AP2A2: variants seen among roughly 807,000 people sequenced by gnomAD.
AP2A2 encodes the protein adaptor related protein complex 2 subunit alpha 2.
AP2A2 carries 32 observed loss-of-function variants against 104.2 expected under a neutral mutation model. The observed-to-expected ratio is 0.31, with a 90% CI of 0.23 to 0.41. The LOEUF (loss-of-function observed/expected upper bound fraction) is 0.41. Among genes scored for constraint, AP2A2 ranks in the 10% least tolerant of loss-of-function variants. The pLI, the probability that AP2A2 is intolerant of heterozygous loss-of-function variation, is 1.00. For missense variants in AP2A2, 912 were observed against 1,261.0 expected, an observed-to-expected ratio of 0.72 and a Z score of 4.19; for synonymous variants, 539 against 533.3, an observed-to-expected ratio of 1.01 and a Z score of -0.15.
intron 6 of AP2A2, among the ~76,000 whole-genome samples, chr11:984,145 G>A (rs927441823): frequency 2.6e-5 from 4 of 152,202 alleles, no homozygotes; most frequent in Non-Finnish European, 4.4e-5. Flanking sequence ...GGAGGTTGAC[G>A]GAGGATCTGC....
chr11:977,449 C>T (rs1408686905), intron 5 of AP2A2, among the ~76,000 whole-genome samples: 1 of 150,972 alleles, frequency 6.6e-6, no homozygotes, highest in Non-Finnish European at 1.5e-5. Context: ...TCGGGTAGCA[C>T]AGAGGCTCTG....
chr11:926,020 A>C lies in AP2A2; in HGVS notation c.-2A>C. ...GCCGAGGCCGCTCCCGAGCGTCGGA[A>C]GATGCCGGCCGTGTCCAAGGGGGAC... On this transcript the variant is annotated 5_prime_UTR_variant, in exon 1 of 22. Transcript: ENST00000448903. The C allele has an allele frequency of 7.1e-7, 1 of 1,410,918 alleles. No homozygotes were observed. The highest frequency in any genetic ancestry group is 9.3e-7 in the Non-Finnish European group (1 of 1,070,206). The allele number at this position is 1,410,918 out of a possible 1,614,324, so 87.4% of individuals were successfully genotyped here. A position where few individuals can be genotyped will look rare whatever the true frequency, so the allele number is the denominator to read the frequency against.
chr11:934,793 T>C (rs1205671119), intron 1 of AP2A2, among the ~76,000 whole-genome samples: 2 of 152,180 alleles, frequency 1.3e-5, no homozygotes, highest in South Asian at 2.1e-4. Flanking sequence ...TATGTTTTGC[T>C]TTTTCTGTGG....
intron 1 of AP2A2, among the ~76,000 whole-genome samples, chr11:934,107 CT>C (rs1853375861): frequency 6.6e-6 from 1 of 152,002 alleles, no homozygotes; most frequent in Non-Finnish European, 1.5e-5. Context: ...ATGCTAGGTT[CT>C]TTCTGCCCCA....
chr11:985,457 G>C lies in AP2A2; in HGVS notation c.837G>C (p.Leu279=), dbSNP rs376038669. 5.6e-6 allele frequency: 9 copies of C among 1,613,866 alleles called. No individual in the cohort carries two copies. In the African/African-American group the frequency reaches 1.2e-4, roughly 22 times the overall value. The change falls in exon 8 of 22, where the codon CTG becomes CTC. Residue 279 remains leucine (L), a synonymous_variant. Coordinates refer to ENST00000448903, the MANE Select transcript of AP2A2 (RefSeq NM_012305.4). ...PPPDPAVRGR[L]TECLETILNK... ...AAGACCCTGCAGTGCGAGGCCGCCTGACTGAGTGCCTGGAGACCATCCTGA... is the reference window on the plus strand; with the variant it reads ...AAGACCCTGCAGTGCGAGGCCGCCTCACTGAGTGCCTGGAGACCATCCTGA...
Position 986,972 on chromosome 11 carries a change from G to A in AP2A2, c.1131+19G>A. On this transcript the variant is annotated intron_variant, in intron 9 of 21. Transcript: ENST00000448903. ...CCTGAAGGCGAGTGCCCTGTCCTTG[G>A]GTTCTGCTCACTCCCTGAGCAGGTG... 5.8e-6 allele frequency: 9 copies of A among 1,559,978 alleles called. No homozygotes were observed. The South Asian group carries it at 9.5e-5, about 16-fold the overall frequency.
chr11:931,640 G>A (rs138423312), intron 1 of AP2A2, among the ~76,000 whole-genome samples: 128 of 152,242 alleles, frequency 8.4e-4, no homozygotes, highest in Non-Finnish European at 1.5e-3. Flanking sequence ...TCACATGAAG[G>A]GGAAACAGAT....
At chr11:928,448 G>C (rs1442977358) in intron 1 of AP2A2, among the ~76,000 whole-genome samples, 1 of 152,208 alleles carries the variant, frequency 6.6e-6, no homozygotes, top group Non-Finnish European at 1.5e-5. Context: ...ACGTATACCT[G>C]TGGATATGGG....
chr11:969,220 CTTTTTTTTTTTTTT>C (rs1190722379), intron 2 of AP2A2, among the ~76,000 whole-genome samples: 1 of 48,040 alleles, frequency 2.1e-5, no homozygotes, highest in African/African-American at 7.7e-5. Flanking sequence ...TAGAACAGCC[CTTTTTTTTTTTTTT>C]TTTTTTTTTT....
At chr11:938,907 C>A (rs1853554035) in intron 1 of AP2A2, among the ~76,000 whole-genome samples, 2 of 152,084 alleles carry the variant, frequency 1.3e-5, no homozygotes, top group Admixed American at 6.6e-5. Flanking sequence ...TTGTGACTTT[C>A]TTGTCTAGGC....
intron 1 of AP2A2, among the ~76,000 whole-genome samples, chr11:956,400 C>T (rs1231017414): frequency 1.3e-5 from 2 of 152,190 alleles, no homozygotes; most frequent in African/African-American, 2.4e-5. Context: ...TGACCTCAGG[C>T]GACCCACCTG....
intron 1 of AP2A2, among the ~76,000 whole-genome samples, chr11:955,885 T>A (rs886602734): frequency 1.3e-5 from 2 of 152,218 alleles, no homozygotes; most frequent in African/African-American, 4.8e-5. Flanking sequence ...GGTGAGCTCT[T>A]TGTCCTCTGA....
At chr11:971,987 T>C (rs1362367510) in intron 3 of AP2A2, 75 bp from the exon 4 acceptor site, 5 of 1,404,694 alleles carry the variant, frequency 3.6e-6, no homozygotes, top group African/African-American at 1.4e-5. Flanking sequence ...GTGTCACTGA[T>C]TGTTGGGTGA....
chr11:964,022 G>A (rs1319071799), intron 2 of AP2A2, among the ~76,000 whole-genome samples: 1 of 152,230 alleles, frequency 6.6e-6, no homozygotes, highest in Non-Finnish European at 1.5e-5. Flanking sequence ...CAGCCAGGAT[G>A]TCAGTGGTGC....
rs761266763 is a variant in AP2A2, at chr11:1,003,793, G to A, written c.2195G>A (p.Arg732Gln). ...LLQIGLKSEF[R>Q]QNLGRMFIFY... is the part of the protein sequence containing the mutation. ...CAAATTGGACTTAAGTCTGAATTTC[G>A]GCAGAATTTAGGTATGTGTTTTAAT... is the stretch of plus-strand genomic sequence containing the variant. Residue 732 changes from arginine to glutamine, a missense_variant, in exon 16 of 22, where the codon CGG becomes CAG. By Grantham distance (43) the Arg-to-Gln change is conservative (BLOSUM62 1). Transcript: ENST00000448903. 7 of 1,602,258 alleles carry A rather than the reference G, an allele frequency of 4.4e-6. No individual in the cohort carries two copies. The highest frequency in any genetic ancestry group is 2.2e-5 in the East Asian group (1 of 44,750).
chr11:944,598 A>C (rs1853771895), intron 1 of AP2A2, among the ~76,000 whole-genome samples: 1 of 152,102 alleles, frequency 6.6e-6, no homozygotes, highest in East Asian at 1.9e-4. Flanking sequence ...CACAACAGAG[A>C]GATATTAAGG....
At chr11:926,146 G>T in intron 1 of AP2A2, 58 bp downstream of exon 1, 10 of 1,160,514 alleles carry the variant, frequency 8.6e-6, no homozygotes, top group Non-Finnish European at 1.1e-5. Flanking sequence ...GACGGGGTCT[G>T]GGAGCGGAGG....
chr11:959,249 G>C (rs879815401), intron 1 of AP2A2, among the ~76,000 whole-genome samples, 188 bp from the exon 2 acceptor site: 22 of 152,184 alleles, frequency 1.4e-4, no homozygotes, highest in Non-Finnish European at 2.4e-4. Flanking sequence ...GCTCAGTCCC[G>C]GCCCCGGCCC....
intron 1 of AP2A2, among the ~76,000 whole-genome samples, chr11:934,165 G>A (rs1047335466): frequency 2.0e-5 from 3 of 152,002 alleles, no homozygotes; most frequent in Non-Finnish European, 4.4e-5. Context: ...GAAACTCCAG[G>A]TCGAAACTCC....
Sources: gnomAD v4.1 joint callset for allele counts (sites outside exome capture counted in the v4.1 genomes callset) on GRCh38, gnomAD v4.1.1 for gene constraint, MANE v1.5 for transcripts, NCBI Gene and HGNC (gene_info 2026-07-23, HGNC 2026-07-21) for gene names.